The following IL1RAPL1 variants were observed in gnomAD, a reference collection of about 807,000 sequenced individuals.
IL1RAPL1 encodes interleukin 1 receptor accessory protein like 1, also known as interleukin-1 receptor accessory protein-like 1.
IL1RAPL1 carries 3 observed loss-of-function variants against 48.4 expected under a neutral mutation model. That is an observed-to-expected ratio of 0.06 (90% CI 0.03 to 0.16). The LOEUF (loss-of-function observed/expected upper bound fraction) is 0.16. IL1RAPL1 is among the 10% of genes least tolerant of loss of function. The pLI is 1.00. For missense variants in IL1RAPL1, 349 were observed against 530.6 expected (o/e 0.66, Z 3.36); for synonymous variants, 185 against 187.7 (o/e 0.99, Z 0.12).
At chrX:29,195,717 G>T (rs990973785) in intron 2 of IL1RAPL1, among the ~76,000 whole-genome samples, 1 of 109,221 alleles carries the variant, frequency 9.2e-6, no homozygotes, top group Non-Finnish European at 1.9e-5. Flanking sequence ...GCGCTACCAC[G>T]ACTGGCTAAT....
At chrX:29,852,122 G>A (rs1931381716) in intron 6 of IL1RAPL1, among the ~76,000 whole-genome samples, 1 of 112,762 alleles carries the variant, frequency 8.9e-6, no homozygotes, top group African/African-American at 3.2e-5. Context: ...GGGAGACCAA[G>A]CTGTGCAGAA....
intron 2 of IL1RAPL1, among the ~76,000 whole-genome samples, chrX:29,272,913 G>T (rs959874189): frequency 7.2e-5 from 8 of 111,281 alleles, no homozygotes; most frequent in African/African-American, 2.3e-4. Flanking sequence ...GCTCAGCTTG[G>T]TCTATTCTGC....
intron 1 of IL1RAPL1, among the ~76,000 whole-genome samples, chrX:28,721,062 C>T (rs1023041558): frequency 8.9e-6 from 1 of 112,165 alleles, no homozygotes; most frequent in African/African-American, 3.2e-5. Context: ...CATACGTGTG[C>T]ATGTGCTTTT....
chrX:29,501,227 T>C (rs750167087), intron 5 of IL1RAPL1, among the ~76,000 whole-genome samples: 1 of 111,718 alleles, frequency 9.0e-6, no homozygotes, highest in South Asian at 3.7e-4. Flanking sequence ...TTTGCACATA[T>C]TTTCTCCCAT....
At chrX:28,985,844 A>G (rs1925460272) in intron 2 of IL1RAPL1, among the ~76,000 whole-genome samples, 1 of 110,027 alleles carries the variant, frequency 9.1e-6, no homozygotes, top group South Asian at 3.9e-4. Flanking sequence ...TATTTTTAGT[A>G]GAGACGGGGT....
At chrX:28,651,098 A>G (rs1934678139) in intron 1 of IL1RAPL1, among the ~76,000 whole-genome samples, 1 of 112,068 alleles carries the variant, frequency 8.9e-6, no homozygotes, top group African/African-American at 3.2e-5. Context: ...AACTACCCTC[A>G]TGCTATGTGT....
At chrX:29,286,762 A>G (rs1179480030) in intron 3 of IL1RAPL1, among the ~76,000 whole-genome samples, 1 of 112,017 alleles carries the variant, frequency 8.9e-6, no homozygotes, top group Non-Finnish European at 1.9e-5. Flanking sequence ...TCCCCTTTTC[A>G]TAGTTATGCC....
chrX:29,745,982 T>G (rs752039416), intron 6 of IL1RAPL1, among the ~76,000 whole-genome samples: 20 of 112,015 alleles, frequency 1.8e-4, no homozygotes, highest in Non-Finnish European at 3.2e-4. Context: ...CAGTCATTGC[T>G]AAGATAAACA....
chrX:28,675,091 G>A (rs1934983884), intron 1 of IL1RAPL1, among the ~76,000 whole-genome samples: 1 of 111,954 alleles, frequency 8.9e-6, no homozygotes, highest in South Asian at 3.7e-4. Flanking sequence ...ATTATTTTTA[G>A]TAGTGAGTAT....
At chrX:28,788,913 A>C (rs1337596785) in intron 1 of IL1RAPL1, among the ~76,000 whole-genome samples, 3 of 112,275 alleles carry the variant, frequency 2.7e-5, no homozygotes, top group Non-Finnish European at 5.6e-5. Context: ...AAAGAATGAC[A>C]CTGAATAAAA....
chrX:28,762,252 G>T (rs1000931373), intron 1 of IL1RAPL1, among the ~76,000 whole-genome samples: 1 of 111,251 alleles, frequency 9.0e-6, no homozygotes, highest in African/African-American at 3.3e-5. Context: ...ATAAAACAAT[G>T]ACTAACTGGA....
At chrX:28,659,479 A>G (rs1934790768) in intron 1 of IL1RAPL1, 8 of 500,874 alleles carry the variant, frequency 1.6e-5, no homozygotes, top group South Asian at 1.3e-4. Flanking sequence ...TGATATAGAG[A>G]CCTCCTTGCT....
intron 1 of IL1RAPL1, among the ~76,000 whole-genome samples, chrX:28,694,099 A>C (rs779893973): frequency 9.0e-6 from 1 of 111,114 alleles, no homozygotes; most frequent in Non-Finnish European, 1.9e-5. Flanking sequence ...TTTCTTCTGG[A>C]AACACCCTTC....
At chrX:28,813,124 A>G (rs938592688) in intron 2 of IL1RAPL1, among the ~76,000 whole-genome samples, 1 of 111,458 alleles carries the variant, frequency 9.0e-6, no homozygotes, top group African/African-American at 3.2e-5. Flanking sequence ...TTTTTCATTA[A>G]AAAATTCAAG....
At chrX:29,651,918 A>C (rs1393239673) in intron 5 of IL1RAPL1, among the ~76,000 whole-genome samples, 1 of 111,775 alleles carries the variant, frequency 8.9e-6, no homozygotes, top group Non-Finnish European at 1.9e-5. Context: ...TTAATTTGAA[A>C]AAGAAAGAAT....
chrX:29,941,028 T>C (rs1933118383), intron 8 of IL1RAPL1, among the ~76,000 whole-genome samples: 1 of 112,158 alleles, frequency 8.9e-6, no homozygotes, highest in Non-Finnish European at 1.9e-5. Context: ...GCAGAGGAGC[T>C]ATTGCTCCTG....
At chrX:29,222,250 T>A (rs1378058328) in intron 2 of IL1RAPL1, among the ~76,000 whole-genome samples, 1 of 111,461 alleles carries the variant, frequency 9.0e-6, no homozygotes, top group Non-Finnish European at 1.9e-5. Context: ...AACACAAAAA[T>A]TAACACTTAT....
intron 5 of IL1RAPL1, among the ~76,000 whole-genome samples, chrX:29,641,006 A>C (rs1006745405): frequency 9.0e-6 from 1 of 111,226 alleles, no homozygotes; most frequent in African/African-American, 3.3e-5. Context: ...TCTCTTAAAA[A>C]AAAAAAAATT....
At chrX:28,767,258 T>C (rs1936251899) in intron 1 of IL1RAPL1, among the ~76,000 whole-genome samples, 1 of 111,511 alleles carries the variant, frequency 9.0e-6, no homozygotes, top group South Asian at 3.8e-4. Context: ...GATACCTCAT[T>C]GTAGTTTTGA....
Sources: gnomAD v4.1 joint callset for allele counts (sites outside exome capture counted in the v4.1 genomes callset) on GRCh38, gnomAD v4.1.1 for gene constraint, MANE v1.5 for transcripts, NCBI Gene and HGNC (gene_info 2026-07-23, HGNC 2026-07-21) for gene names.